Variants in DTNA observed in about 807,000 individuals in gnomAD.
DTNA encodes the protein dystrobrevin alpha, also known as dystrophin-related protein 3.
A neutral mutation model predicts 100.7 loss-of-function variants in DTNA; 43 were observed. The observed-to-expected ratio is 0.43, with a 90% CI of 0.33 to 0.55. DTNA has a LOEUF of 0.55. Ranked by LOEUF, DTNA falls within the 20% of genes least tolerant of loss-of-function variation. The probability of loss-of-function intolerance (pLI) is 0.04; values close to 1 mark genes in which losing one functional copy is unlikely to be tolerated. For synonymous variants in DTNA, 349 were observed against 347.9 expected (o/e 1.00, Z -0.04); for missense variants, 798 against 953.9 (o/e 0.84, Z 2.15).
chr18:34,709,442 A>C (rs2082511036), upstream of DTNA: 1 of 152,218 alleles, frequency 6.6e-6, no homozygotes, highest in African/African-American at 2.4e-5. Flanking sequence ...CCATGCTGAC[A>C]TGCTGGCAAG....
intron 13 of DTNA, among the ~76,000 whole-genome samples, chr18:34,843,296 C>A (rs2096306155): frequency 6.6e-6 from 1 of 152,066 alleles, no homozygotes; most frequent in Non-Finnish European, 1.5e-5. Flanking sequence ...GTGAACAGAG[C>A]AACTAATAGG....
At chr18:34,851,801 A>G (rs1259932133) in intron 14 of DTNA, 30 bp from the exon 15 acceptor site, 5 of 1,607,134 alleles carry the variant, frequency 3.1e-6, no homozygotes, top group African/African-American at 1.3e-5. Context: ...CATTCTCAAT[A>G]TGAAATCTTA....
At chr18:34,517,322 A>G (rs527350866) in intron 1 of DTNA, among the ~76,000 whole-genome samples, 3 of 152,186 alleles carry the variant, frequency 2.0e-5, no homozygotes, top group Non-Finnish European at 2.9e-5. Flanking sequence ...GCAGTAAATA[A>G]TACAGAGGTC....
Position 34,670,473 on chromosome 18 carries a change from G to A in DTNA, c.-1-85503G>A, listed in dbSNP as rs192954245. Among the ~76,000 whole-genome samples the A allele has an allele frequency of 9.2e-5, 14 of 152,314 alleles. No homozygotes were observed. The East Asian group carries it at 1.2e-3, about 13-fold the overall frequency. On this transcript the variant is annotated intron_variant, in intron 1 of 19. Coordinates refer to the DTNA transcript ENST00000283365. ...TGTTCCATTGCTGGTGAGGAGCTGC[G>A]TTCCTTTGGAGGAGGAGAGGTTCTC...
rs553965485 is a variant in DTNA, at chr18:34,789,425, T to C, written c.149-4612T>C. 3.3e-5 allele frequency among the ~76,000 whole-genome samples: 5 copies of C among 152,342 alleles called. No individual in the cohort carries two copies. The East Asian group carries it at 9.6e-4, about 29-fold the overall frequency. ...ATAAAGAGCCAAATCCTTATTGTAG[T>C]TATGGTGCTCCTGCAACCTTATCTT... On this transcript the variant is annotated intron_variant, in intron 3 of 22. Transcript: ENST00000444659.
chr18:34,828,727 G>T (rs74412150), intron 10 of DTNA, among the ~76,000 whole-genome samples: 179 of 152,226 alleles, frequency 1.2e-3, no homozygotes, highest in African/African-American at 4.1e-3. Context: ...ATGTATAAAC[G>T]AGGTCTGTAA....
At chr18:34,825,326 T>A in intron 9 of DTNA, 2 of 1,610,892 alleles carry the variant, frequency 1.2e-6, no homozygotes, top group Non-Finnish European at 1.7e-6. Context: ...ATAATCATGA[T>A]CATAAGTGGG....
intron 9 of DTNA, among the ~76,000 whole-genome samples, chr18:34,824,530 A>G (rs2095808516): frequency 6.6e-6 from 1 of 152,090 alleles, no homozygotes; most frequent in African/African-American, 2.4e-5. Flanking sequence ...TACGTAACAA[A>G]CCTGCAGGTT....
intron 1 of DTNA, among the ~76,000 whole-genome samples, chr18:34,552,441 A>G (rs1439409576): frequency 1.3e-5 from 2 of 151,340 alleles, no homozygotes; most frequent in African/African-American, 2.4e-5. Flanking sequence ...GGTTAGTTAC[A>G]TATGTATACA....
chr18:34,607,641 T>C (rs1265755344), intron 1 of DTNA, among the ~76,000 whole-genome samples: 3 of 152,122 alleles, frequency 2.0e-5, no homozygotes, highest in African/African-American at 7.2e-5. Context: ...TGGGAGAAAA[T>C]GTTTGTTACT....
At chr18:34,798,871 G>A (rs2095097737) in intron 4 of DTNA, among the ~76,000 whole-genome samples, 1 of 152,056 alleles carries the variant, frequency 6.6e-6, no homozygotes, top group Non-Finnish European at 1.5e-5. Flanking sequence ...ATAATTTGCA[G>A]GTCATACAGC....
intron 1 of DTNA, among the ~76,000 whole-genome samples, chr18:34,676,952 C>G (rs886814367): frequency 2.0e-5 from 3 of 152,138 alleles, no homozygotes; most frequent in African/African-American, 7.2e-5. Context: ...AGGATTGATG[C>G]CTTTAATTCA....
intron 1 of DTNA, among the ~76,000 whole-genome samples, chr18:34,593,757 C>T (rs1319161225): frequency 6.6e-6 from 1 of 152,136 alleles, no homozygotes; most frequent in East Asian, 1.9e-4. Flanking sequence ...TCAGTTTTGA[C>T]TTTATCCTTA....
chr18:34,567,786 A>G (rs991176028), intron 1 of DTNA, among the ~76,000 whole-genome samples: 6 of 152,138 alleles, frequency 3.9e-5, no homozygotes, highest in South Asian at 2.1e-4. Flanking sequence ...TATATTTTCT[A>G]CTCTTTTATA....
At chr18:34,887,618 G>A (rs764407739) in intron 22 of DTNA, 148 bp from the exon 23 acceptor site, 72 of 555,110 alleles carry the variant, frequency 1.3e-4, no homozygotes, top group Non-Finnish European at 1.5e-4. Context: ...CCTGATTGTC[G>A]TAGGAAAGGA....
In DTNA at chr18:34,889,128, G is replaced by T; in HGVS notation, c.*1394G>T. ...TAATCTTCTACTTGCTTCAAGATTT[G>T]ATTTTTTTAAAAAAGCCTGCGACCT... On this transcript the variant is annotated 3_prime_UTR_variant, in exon 23 of 23. Transcript: ENST00000444659. 2 of 966,684 alleles carry T rather than the reference G, an allele frequency of 2.1e-6. No homozygotes were observed. Among genetic ancestry groups the T allele is most frequent in the Non-Finnish European group, 2.4e-6 (2 of 826,974 alleles). 59.9% of individuals were successfully genotyped at this position (966,684 alleles called of 1,614,324 possible).
chr18:34,711,869 T>C (rs969641206), intron 1 of DTNA, among the ~76,000 whole-genome samples: 1 of 152,180 alleles, frequency 6.6e-6, no homozygotes, highest in African/African-American at 2.4e-5. Context: ...AAAAGTACTA[T>C]AATAGCATCT....
At chr18:34,611,199 C>A (rs2054144703) in intron 1 of DTNA, among the ~76,000 whole-genome samples, 1 of 152,120 alleles carries the variant, frequency 6.6e-6, no homozygotes. Context: ...TGGATCTTAA[C>A]AATTCTTGGA....
rs115311309 is a variant in DTNA at position 34,825,058 on chromosome 18, A to G, written c.1002-2535A>G. On this transcript the variant is annotated intron_variant, in intron 9 of 22. Coordinates refer to ENST00000444659, the MANE Select transcript of DTNA (RefSeq NM_001386795.1). ...AAATGAAGCATGTGACACACAGAAA[A>G]TGCCATTTTTTTTTTAACTATAGCC... is the stretch of plus-strand genomic sequence containing the variant. Among the ~76,000 whole-genome samples the G allele has an allele frequency of 8.1e-3, 1,229 of 151,824 alleles. 18 individuals carry two copies. The highest frequency in any genetic ancestry group is 0.029 in the African/African-American group (1,184 of 41,176).
Sources: allele counts gnomAD v4.1 joint callset (sites outside exome capture counted in the v4.1 genomes callset), GRCh38; gene constraint gnomAD v4.1.1; transcripts MANE v1.5; gene names NCBI Gene and HGNC (gene_info 2026-07-23, HGNC 2026-07-21).